The following CD2AP variants were observed in gnomAD, a reference collection of about 807,000 sequenced individuals.
CD2AP encodes the protein CD2-associated protein.
In CD2AP, 46 loss-of-function variants were observed where a neutral mutation model predicts 85.1. The ratio of observed to expected loss-of-function variants is 0.54; its 90% confidence interval spans 0.43 to 0.69. The LOEUF (loss-of-function observed/expected upper bound fraction) is 0.69, where lower values mean the gene tolerates loss of function less well. Among genes scored for constraint, CD2AP ranks in the 30% least tolerant of loss-of-function variants. CD2AP has a pLI of 0.00. For missense variants in CD2AP, 769 were observed against 729.5 expected (o/e 1.05, Z -0.62); for synonymous variants, 255 against 252.9 (o/e 1.01, Z -0.08).
intron 5 of CD2AP, among the ~76,000 whole-genome samples, 186 bp from the exon 6 acceptor site, chr6:47,573,878 C>G (rs1768226193): frequency 6.6e-6 from 1 of 151,984 alleles, no homozygotes; most frequent in South Asian, 2.1e-4. Flanking sequence ...TCGTTTTGCA[C>G]AATAAAAAAG....
At chr6:47,528,644 A>C (rs147409273) in intron 2 of CD2AP, among the ~76,000 whole-genome samples, 4 of 152,230 alleles carry the variant, frequency 2.6e-5, no homozygotes, top group African/African-American at 9.6e-5. Context: ...AATACAATAA[A>C]ACATAATCCC....
intron 5 of CD2AP, among the ~76,000 whole-genome samples, chr6:47,562,421 T>G (rs1445000034): frequency 6.6e-6 from 1 of 152,110 alleles, no homozygotes; most frequent in Non-Finnish European, 1.5e-5. Context: ...CTAGGAATAA[T>G]GAGATTGTGA....
intron 1 of CD2AP, among the ~76,000 whole-genome samples, chr6:47,503,048 T>G (rs966941503): frequency 2.0e-5 from 3 of 152,204 alleles, no homozygotes; most frequent in Non-Finnish European, 2.9e-5. Context: ...AATTATGCAT[T>G]ATTTTTCTTT....
At chr6:47,517,833 A>G (rs1301639719) in intron 2 of CD2AP, among the ~76,000 whole-genome samples, 2 of 152,170 alleles carry the variant, frequency 1.3e-5, no homozygotes, top group Non-Finnish European at 2.9e-5. Context: ...TATCTGCTGA[A>G]AAAAGGGATA....
intron 5 of CD2AP, among the ~76,000 whole-genome samples, chr6:47,557,534 T>G (rs530648393): frequency 6.6e-6 from 1 of 152,332 alleles, no homozygotes; most frequent in African/African-American, 2.4e-5. Context: ...AGTTTCAGTT[T>G]TCTGTATACA....
rs1409560458 is a variant in CD2AP, at chr6:47,627,178, CA to C, written c.*2952del. On this transcript the variant is annotated 3_prime_UTR_variant, in exon 18 of 18. Transcript: ENST00000359314. Reference sequence around the variant, plus strand: ...ATTGGTTATTTTTTGTTAACTTTAGCATTTGTGTATTTCAGAGTATGATGAA... The same window carrying C: ...ATTGGTTATTTTTTGTTAACTTTAGCTTTGTGTATTTCAGAGTATGATGAA... The C allele has an allele frequency of 6.6e-6, 1 of 152,418 alleles. No individual in the cohort carries two copies. Among genetic ancestry groups the C allele is most frequent in the African/African-American group, 2.4e-5 (1 of 41,418 alleles). The allele number at this position is 152,418 out of a possible 1,614,324, so 9.4% of individuals were successfully genotyped here.
chr6:47,564,226 T>G (rs1031880438), intron 5 of CD2AP, among the ~76,000 whole-genome samples: 18 of 152,264 alleles, frequency 1.2e-4, no homozygotes, highest in African/African-American at 4.3e-4. Context: ...CTGAGTTACT[T>G]TTGATGCACA....
intron 11 of CD2AP, among the ~76,000 whole-genome samples, chr6:47,591,266 G>A (rs914177027): frequency 1.3e-5 from 2 of 152,134 alleles, no homozygotes; most frequent in Non-Finnish European, 2.9e-5. Context: ...TTGGGAAGAA[G>A]GATAAGGGTA....
intron 14 of CD2AP, among the ~76,000 whole-genome samples, chr6:47,606,555 T>TTTA (rs1307749782): frequency 6.6e-6 from 1 of 152,060 alleles, no homozygotes; most frequent in Non-Finnish European, 1.5e-5. Context: ...CTGTTTAATT[T>TTTA]ATCTTTCAAC....
chr6:47,609,111 T>C lies in CD2AP; in HGVS notation c.1633-12T>C. 1 of 1,583,392 alleles carries C rather than the reference T, an allele frequency of 6.3e-7. No homozygotes were observed. Among genetic ancestry groups the C allele is most frequent in the Non-Finnish European group, 8.6e-7 (1 of 1,167,310 alleles). ...TTAAATAAAATCAGAAATTTTTTTT[T>C]TACGTTTTCAGCCATCTGTGTACCT... On this transcript the variant is annotated splice_polypyrimidine_tract_variant and intron_variant, in intron 15 of 17. Transcript: ENST00000359314.
chr6:47,533,854 C>A, intron 3 of CD2AP, 99 bp downstream of exon 3: 2 of 1,214,466 alleles, frequency 1.6e-6, no homozygotes, highest in Non-Finnish European at 2.3e-6. Flanking sequence ...CTTTTGTAGA[C>A]AACTACAGTA....
chr6:47,577,903 T>C (rs1340525707), intron 8 of CD2AP, among the ~76,000 whole-genome samples: 1 of 152,178 alleles, frequency 6.6e-6, no homozygotes, highest in Non-Finnish European at 1.5e-5. Flanking sequence ...GACTTTGTTA[T>C]AAGATGTCAT....
intron 5 of CD2AP, among the ~76,000 whole-genome samples, chr6:47,559,998 T>G (rs1767808883): frequency 6.6e-6 from 1 of 152,174 alleles, no homozygotes; most frequent in Non-Finnish European, 1.5e-5. Context: ...GAATTTGGGC[T>G]TTTGGATCCC....
chr6:47,606,065 C>A, intron 13 of CD2AP, 100 bp from the exon 14 acceptor site: 2 of 688,016 alleles, frequency 2.9e-6, no homozygotes, highest in Admixed American at 2.3e-5. Context: ...AGTAGTGGTA[C>A]TCTTTTTAAT....
At position 47,624,221 on chromosome 6, in the gene CD2AP, T is replaced by C; in HGVS notation, c.1914T>C (p.Ser638=). The change falls in exon 18 of 18, where the codon TCT becomes TCC. Residue 638 remains serine, a synonymous_variant. Coordinates refer to ENST00000359314, the MANE Select transcript of CD2AP (RefSeq NM_012120.3). ...AGAAGCTGAAAAAAGCTGTCCTGTC[T>C]TCTTGAGTGGTGTGGACCTGGTGTT... ...EIEKLKKAVL[S]S 2 of 1,612,132 alleles carry C rather than the reference T, an allele frequency of 1.2e-6. No individual in the cohort carries two copies. The highest frequency in any genetic ancestry group is 1.7e-6 in the Non-Finnish European group (2 of 1,178,352).
At position 47,478,135 on chromosome 6, in the gene CD2AP, T is replaced by C. The variant is rs1765350583; in HGVS notation, c.-110T>C. ...CGCCCCGCCTGAGCTCAGGAGGGGC[T>C]AGCGCGGAGCGCGGGTCCCGCCTCC... On this transcript the variant is annotated 5_prime_UTR_variant, in exon 1 of 18. Coordinates refer to ENST00000359314, the MANE Select transcript of CD2AP (RefSeq NM_012120.3). 4.3e-6 allele frequency: 6 copies of C among 1,399,684 alleles called. No individual in the cohort carries two copies. The highest frequency in any genetic ancestry group is 4.9e-6 in the Non-Finnish European group (5 of 1,011,764). 86.7% of individuals were successfully genotyped at this position (1,399,684 alleles called of 1,614,324 possible). A position where few individuals can be genotyped will look rare whatever the true frequency, so the allele number is the denominator to read the frequency against.
chr6:47,597,910 C>T (rs748924523), intron 12 of CD2AP, among the ~76,000 whole-genome samples: 6 of 150,794 alleles, frequency 4.0e-5, no homozygotes, highest in Non-Finnish European at 7.4e-5. Context: ...GTGGGCCCCA[C>T]CCACCCAGGA....
chr6:47,516,329 A>G (rs1766452196), intron 2 of CD2AP, among the ~76,000 whole-genome samples: 3 of 152,254 alleles, frequency 2.0e-5, no homozygotes, highest in South Asian at 2.1e-4. Flanking sequence ...ACAGAGCAAC[A>G]GAGCATAGAA....
intron 1 of CD2AP, among the ~76,000 whole-genome samples, chr6:47,487,813 AC>A (rs1042181466): frequency 1.3e-5 from 2 of 152,210 alleles, no homozygotes; most frequent in African/African-American, 4.8e-5. Context: ...TATTGTATTT[AC>A]AAAATTTAAC....
Sources: allele counts gnomAD v4.1 joint callset (sites outside exome capture counted in the v4.1 genomes callset), GRCh38; gene constraint gnomAD v4.1.1; transcripts MANE v1.5; gene names NCBI Gene and HGNC (gene_info 2026-07-23, HGNC 2026-07-21).